GLIS1: variants seen among roughly 807,000 people sequenced by gnomAD.
GLIS1 encodes the protein zinc finger protein GLIS1.
GLIS1 carries 24 observed loss-of-function variants against 63.8 expected under a neutral mutation model. The observed-to-expected ratio is 0.38, with a 90% CI of 0.27 to 0.53. The LOEUF is 0.53. GLIS1 is among the 20% of genes least tolerant of loss of function. The pLI is 0.85. For missense variants in GLIS1, 1,036 were observed against 1,074.1 expected (o/e 0.96, Z 0.50); for synonymous variants, 450 against 482.5 (o/e 0.93, Z 0.88).
At chr1:53,514,394 T>C (rs999311780) in intron 8 of GLIS1, among the ~76,000 whole-genome samples, 12 of 152,088 alleles carry the variant, frequency 7.9e-5, no homozygotes, top group African/African-American at 2.4e-4. Context: ...AGAAGCTGCA[T>C]GAAGTGAGGC....
chr1:53,618,075 A>G (rs925675144), intron 2 of GLIS1, among the ~76,000 whole-genome samples: 28 of 152,250 alleles, frequency 1.8e-4, no homozygotes, highest in African/African-American at 6.8e-4. Context: ...GGGAGAGTGC[A>G]GGGCTGACTC....
chr1:53,669,788 C>T (rs1034469269), intron 2 of GLIS1, among the ~76,000 whole-genome samples: 4 of 152,216 alleles, frequency 2.6e-5, no homozygotes, highest in Non-Finnish European at 4.4e-5. Flanking sequence ...CAACCCTTTG[C>T]TGTGTCCCCG....
intron 2 of GLIS1, among the ~76,000 whole-genome samples, chr1:53,619,546 A>C (rs1322457876): frequency 1.3e-5 from 2 of 152,210 alleles, no homozygotes; most frequent in African/African-American, 4.8e-5. Flanking sequence ...CATTTTACAG[A>C]TGAGGAAACC....
At chr1:53,593,452 CATGT>C (rs1025310553) in intron 4 of GLIS1, among the ~76,000 whole-genome samples, 1 of 152,222 alleles carries the variant, frequency 6.6e-6, no homozygotes, top group Non-Finnish European at 1.5e-5. Flanking sequence ...CGCGTGCATG[CATGT>C]GTGTGTGCAC....
At chr1:53,507,445 G>C (rs1375867063) in intron 10 of GLIS1, among the ~76,000 whole-genome samples, 1 of 152,180 alleles carries the variant, frequency 6.6e-6, no homozygotes, top group African/African-American at 2.4e-5. Flanking sequence ...CTGTCTCCAG[G>C]GTGGGGCCAC....
intron 2 of GLIS1, among the ~76,000 whole-genome samples, chr1:53,614,812 GCACACACATACTCTTT>G (rs1645462598): frequency 6.6e-6 from 1 of 151,034 alleles, no homozygotes; most frequent in African/African-American, 2.4e-5. Context: ...GCACACACAT[GCACACACATACTCTTT>G]CACACACATG....
At chr1:53,587,617 T>C (rs1225513355) in intron 4 of GLIS1, among the ~76,000 whole-genome samples, 2 of 152,216 alleles carry the variant, frequency 1.3e-5, no homozygotes, top group Non-Finnish European at 2.9e-5. Context: ...AGGTGTTCTC[T>C]ACTCCAAGAC....
rs1304669359 is a variant in GLIS1, at chr1:53,529,942, C to T, written c.1331G>A (p.Cys444Tyr). The T allele has an allele frequency of 6.2e-7, 1 of 1,613,370 alleles. No individual in the cohort carries two copies. Among genetic ancestry groups the T allele is most frequent in the Non-Finnish European group, 8.5e-7 (1 of 1,179,780 alleles). Residue 444 changes from cysteine to tyrosine, a missense_variant, in exon 5 of 11, where the codon TGC (cysteine) becomes TAC (tyrosine). Coordinates refer to ENST00000628545, the MANE Select transcript of GLIS1 (RefSeq NM_001367484.1). ...CTCCAGCCGTGAGAAGGCCTTGCTGCAGCCTTCAAACTGCAGGAGAGGCTG... is the reference window on the plus strand; with the variant it reads ...CTCCAGCCGTGAGAAGGCCTTGCTGTAGCCTTCAAACTGCAGGAGAGGCTG... Reference protein sequence around the residue: ...EKPNKCMFEGCSKAFSRLENL... With the variant: ...EKPNKCMFEGYSKAFSRLENL...
At chr1:53,718,587 C>A (rs1285395299) in intron 2 of GLIS1, among the ~76,000 whole-genome samples, 2 of 152,102 alleles carry the variant, frequency 1.3e-5, no homozygotes, top group Non-Finnish European at 2.9e-5. Context: ...AACCACCATG[C>A]TGAAAAAGTA....
intron 2 of GLIS1, among the ~76,000 whole-genome samples, chr1:53,698,445 C>A (rs1379047466): frequency 6.6e-6 from 1 of 152,240 alleles, no homozygotes; most frequent in Non-Finnish European, 1.5e-5. Context: ...GGTTCTCTCA[C>A]TTAGGGTCCA....
At chr1:53,593,131 A>T (rs760777037) in intron 4 of GLIS1, among the ~76,000 whole-genome samples, 1 of 152,376 alleles carries the variant, frequency 6.6e-6, no homozygotes, top group Admixed American at 6.5e-5. Context: ...CTATGGCACC[A>T]GCCCCAGCAC....
In GLIS1 at chr1:53,639,806, T is replaced by G. The variant is rs1322597556; in HGVS notation, c.260-39528A>C. ...CCCTTCTCCCCCAGGACTATACTCC[T>G]CACAGCTGCCCCGAGGTTCTGCTTT... On this transcript the variant is annotated intron_variant, in intron 2 of 10. Coordinates refer to ENST00000628545, the MANE Select transcript of GLIS1 (RefSeq NM_001367484.1). The surrounding 1 kb of genome is among the most constrained non-coding windows in gnomAD (Gnocchi z 4.6). Among the ~76,000 whole-genome samples the G allele has an allele frequency of 6.6e-6, 1 of 152,116 alleles. No individual in the cohort carries two copies. Among genetic ancestry groups the G allele is most frequent in the East Asian group, 1.9e-4 (1 of 5,192 alleles).
At position 53,710,248 on chromosome 1, in the gene GLIS1, T is replaced by A. The variant is rs1362851994; in HGVS notation, c.259+27558A>T. Among the ~76,000 whole-genome samples, 4 of 152,238 alleles carry A rather than the reference T, an allele frequency of 2.6e-5. No individual in the cohort carries two copies. The East Asian group carries it at 5.8e-4, about 22-fold the overall frequency. On this transcript the variant is annotated intron_variant, in intron 2 of 10. Transcript: ENST00000628545. ...CACCTGGAGGCATCCCCCTCTAGAC[T>A]GTAAATGAAATATGCAGCCCATGGC...
At chr1:53,728,956 T>C (rs1162152464) in intron 2 of GLIS1, among the ~76,000 whole-genome samples, 2 of 152,220 alleles carry the variant, frequency 1.3e-5, no homozygotes, top group Non-Finnish European at 2.9e-5. Flanking sequence ...GAACTATCTG[T>C]AGGACAAACT....
chr1:53,711,615 C>G (rs1231841810), intron 2 of GLIS1, among the ~76,000 whole-genome samples: 1 of 152,178 alleles, frequency 6.6e-6, no homozygotes, highest in East Asian at 1.9e-4. Context: ...ATGCAAGTGA[C>G]TTCACCTCTC....
chr1:53,579,183 G>A (rs1390921845), intron 4 of GLIS1, among the ~76,000 whole-genome samples: 2 of 152,184 alleles, frequency 1.3e-5, no homozygotes, highest in African/African-American at 4.8e-5. Flanking sequence ...GGGCCCAAAG[G>A]CAGAGGTGCT....
chr1:53,631,547 C>A (rs755392315), intron 2 of GLIS1, among the ~76,000 whole-genome samples: 6 of 152,182 alleles, frequency 3.9e-5, no homozygotes, highest in Non-Finnish European at 8.8e-5. Context: ...TGGGATACAG[C>A]AGTGAATAAA....
intron 4 of GLIS1, among the ~76,000 whole-genome samples, chr1:53,587,294 G>A (rs1645145760): frequency 6.6e-6 from 1 of 152,156 alleles, no homozygotes; most frequent in Non-Finnish European, 1.5e-5. Context: ...AATAATGAGG[G>A]TAGACATGAG....
At chr1:53,556,390 GTGTGTGTGTGTGTGCA>G in intron 4 of GLIS1, among the ~76,000 whole-genome samples, 1 of 142,986 alleles carries the variant, frequency 7.0e-6, no homozygotes, top group African/African-American at 2.6e-5. Context: ...TGTACTGCAG[GTGTGTGTGTGTGTGCA>G]GGTGTACTGT....
Sources: allele counts gnomAD v4.1 joint callset (sites outside exome capture counted in the v4.1 genomes callset), GRCh38; gene constraint gnomAD v4.1.1; non-coding constraint Gnocchi (gnomAD v3.1); transcripts MANE v1.5; gene names NCBI Gene and HGNC (gene_info 2026-07-23, HGNC 2026-07-21).